MGAT5: variants seen among roughly 807,000 people sequenced by gnomAD.
MGAT5 encodes alpha-1,6-mannosylglycoprotein 6-beta-N-acetylglucosaminyltransferase.
MGAT5 carries 30 observed loss-of-function variants against 94.3 expected under a neutral mutation model. The ratio of observed to expected loss-of-function variants is 0.32; its 90% confidence interval spans 0.24 to 0.43. The LOEUF (loss-of-function observed/expected upper bound fraction) is 0.43. Among genes scored for constraint, MGAT5 ranks in the 20% least tolerant of loss-of-function variants. The probability of loss-of-function intolerance (pLI) is 1.00; values close to 1 mark genes in which losing one functional copy is unlikely to be tolerated. For missense variants in MGAT5, 691 were observed against 905.5 expected, an observed-to-expected ratio of 0.76 and a Z score of 3.04; for synonymous variants, 310 against 322.9, an observed-to-expected ratio of 0.96 and a Z score of 0.43.
intron 2 of MGAT5, among the ~76,000 whole-genome samples, chr2:134,280,186 G>A (rs544513239): frequency 2.6e-5 from 4 of 152,256 alleles, no homozygotes; most frequent in South Asian, 2.1e-4. Context: ...AAAGCAATGC[G>A]GGGTGAAGAT....
At chr2:134,328,425 G>A (rs1157534949) in intron 4 of MGAT5, among the ~76,000 whole-genome samples, 1 of 152,074 alleles carries the variant, frequency 6.6e-6, no homozygotes, top group Non-Finnish European at 1.5e-5. Context: ...GTGGCTTTGA[G>A]CTTTCCCTTG....
intron 2 of MGAT5, among the ~76,000 whole-genome samples, chr2:134,286,347 C>T (rs1028884945): frequency 6.6e-6 from 1 of 152,182 alleles, no homozygotes; most frequent in African/African-American, 2.4e-5. Flanking sequence ...TTAGATTCCA[C>T]ATTTTCCCCT....
chr2:134,175,104 G>A (rs549037956), intron 1 of MGAT5, among the ~76,000 whole-genome samples: 1 of 152,342 alleles, frequency 6.6e-6, no homozygotes, highest in South Asian at 2.1e-4. Context: ...CCGGGTGTGT[G>A]GAGCAGCAGA....
intron 1 of MGAT5, among the ~76,000 whole-genome samples, chr2:134,135,294 A>G (rs1321530302): frequency 6.6e-6 from 1 of 152,166 alleles, no homozygotes; most frequent in Non-Finnish European, 1.5e-5. Context: ...TTTGGGACTG[A>G]TAGGGTTTAG....
At chr2:134,419,593 G>A (rs1033108318) in intron 12 of MGAT5, among the ~76,000 whole-genome samples, 1 of 151,860 alleles carries the variant, frequency 6.6e-6, no homozygotes, top group African/African-American at 2.4e-5. Context: ...CTATACTCCA[G>A]TAAATTTATT....
At chr2:134,442,034 G>A in intron 15 of MGAT5, 119 bp downstream of exon 15, 1 of 1,154,898 alleles carries the variant, frequency 8.7e-7, no homozygotes, top group Non-Finnish European at 1.2e-6. Context: ...GGGATAAGGT[G>A]TGGGAGGGGA....
intron 1 of MGAT5, among the ~76,000 whole-genome samples, chr2:134,208,989 T>C (rs1457774728): frequency 6.6e-6 from 1 of 152,160 alleles, no homozygotes; most frequent in Non-Finnish European, 1.5e-5. Flanking sequence ...GGTGTTCTGT[T>C]ACATCAGCAT....
At chr2:134,361,213 A>G (rs563101072) in intron 9 of MGAT5, among the ~76,000 whole-genome samples, 107 of 152,330 alleles carry the variant, frequency 7.0e-4, no homozygotes, top group African/African-American at 2.2e-3. Flanking sequence ...TTGACCACCT[A>G]TCTGTGAATG....
chr2:134,388,341 C>T (rs1181261794), intron 10 of MGAT5, among the ~76,000 whole-genome samples: 2 of 152,024 alleles, frequency 1.3e-5, no homozygotes, highest in Admixed American at 6.5e-5. Context: ...ATCTGCCCTC[C>T]GCCCCCAGAA....
At chr2:134,307,094 C>T (rs1241683363) in intron 2 of MGAT5, among the ~76,000 whole-genome samples, 7 of 151,804 alleles carry the variant, frequency 4.6e-5, no homozygotes, top group Non-Finnish European at 8.8e-5. Flanking sequence ...CTTTAGAGGC[C>T]GATGGGATGA....
At chr2:134,371,649 G>A (rs553463254) in intron 10 of MGAT5, among the ~76,000 whole-genome samples, 19 of 152,294 alleles carry the variant, frequency 1.2e-4, no homozygotes, top group African/African-American at 4.6e-4. Context: ...CCTGCATCTG[G>A]GACTTGGAGC....
intron 2 of MGAT5, among the ~76,000 whole-genome samples, chr2:134,278,243 A>G (rs1474048886): frequency 6.6e-6 from 1 of 152,314 alleles, no homozygotes; most frequent in Non-Finnish European, 1.5e-5. Context: ...CTGTCCTTCA[A>G]GGCTATGTTA....
chr2:134,191,136 C>A (rs1456778951), intron 1 of MGAT5, among the ~76,000 whole-genome samples: 2 of 152,208 alleles, frequency 1.3e-5, no homozygotes, highest in Admixed American at 1.3e-4. Context: ...GCACATAGTA[C>A]GCACCCAGTA....
chr2:134,129,532 A>C (rs1686017650), intron 1 of MGAT5, among the ~76,000 whole-genome samples: 1 of 152,174 alleles, frequency 6.6e-6, no homozygotes, highest in Admixed American at 6.5e-5. Flanking sequence ...CTTTATGTAA[A>C]GGAACTATTT....
At chr2:134,151,960 AAG>A (rs1437665031) in intron 1 of MGAT5, among the ~76,000 whole-genome samples, 2 of 99,626 alleles carry the variant, frequency 2.0e-5, no homozygotes. Context: ...TCACTCACTC[AAG>A]CCCTATGGGA....
chr2:134,172,512 A>G (rs1008085283), intron 1 of MGAT5, among the ~76,000 whole-genome samples: 2 of 151,966 alleles, frequency 1.3e-5, no homozygotes, highest in Admixed American at 6.6e-5. Context: ...TCAGCCTCCC[A>G]AGTAGCTGGG....
intron 1 of MGAT5, among the ~76,000 whole-genome samples, chr2:134,201,626 C>G (rs1008839880): frequency 6.6e-6 from 1 of 152,044 alleles, no homozygotes; most frequent in African/African-American, 2.4e-5. Flanking sequence ...TTTCTCCTTT[C>G]ACCTTCGGGG....
At position 134,390,655 on chromosome 2, in the gene MGAT5, T is replaced by C. The variant is rs201526250; in HGVS notation, c.1381-12333T>C. On this transcript the variant is annotated intron_variant, in intron 10 of 15. Transcript: ENST00000281923. The stretch of plus-strand genomic sequence containing the variant: ...CTTTAACCTTGTCCTATGTCTACTG[T>C]TATTTTCATGGAGGAGTCTGTCTTA... Among the ~76,000 whole-genome samples, 17 of 152,370 alleles carry C rather than the reference T, an allele frequency of 1.1e-4. No homozygotes were observed. In the East Asian group the frequency reaches 3.3e-3, roughly 29 times the overall value.
intron 1 of MGAT5, among the ~76,000 whole-genome samples, chr2:134,215,186 A>G (rs1031367665): frequency 6.6e-6 from 1 of 152,218 alleles, no homozygotes; most frequent in African/African-American, 2.4e-5. Flanking sequence ...GGGCATTTAG[A>G]TAATTTCCAG....
Sources: allele counts gnomAD v4.1 joint callset (sites outside exome capture counted in the v4.1 genomes callset), GRCh38; gene constraint gnomAD v4.1.1; transcripts MANE v1.5; gene names NCBI Gene and HGNC (gene_info 2026-07-23, HGNC 2026-07-21).